GNAQ: variants seen among roughly 807,000 people sequenced by gnomAD.
The protein encoded by GNAQ is guanine nucleotide-binding protein G(q) subunit alpha.
In GNAQ, 8 loss-of-function variants were observed where a neutral mutation model predicts 43.9. The observed-to-expected ratio is 0.18, with a 90% confidence interval of 0.11 to 0.33. GNAQ has a LOEUF of 0.33. Among genes scored for constraint, GNAQ ranks in the 10% least tolerant of loss-of-function variants. The pLI is 1.00. For synonymous variants in GNAQ, 155 were observed against 170.7 expected, an observed-to-expected ratio of 0.91 and a Z score of 0.71; for missense variants, 158 against 450.8, an observed-to-expected ratio of 0.35 and a Z score of 5.88.
chr9:77,858,356 G>A (rs1296798067), intron 2 of GNAQ, among the ~76,000 whole-genome samples: 1 of 152,118 alleles, frequency 6.6e-6, no homozygotes, highest in Non-Finnish European at 1.5e-5. Flanking sequence ...AAATCCATAG[G>A]AATGAGTGAA....
chr9:77,768,061 T>C (rs1276485269), intron 5 of GNAQ, among the ~76,000 whole-genome samples: 2 of 152,202 alleles, frequency 1.3e-5, no homozygotes, highest in Non-Finnish European at 2.9e-5. Flanking sequence ...ATTTCACATA[T>C]ATTGTTACTG....
Position 77,922,338 on chromosome 9 carries a change from T to G in GNAQ, c.144A>C (p.Gly48=). ...RELKLLLLGT[G]ESGKSTFIKQ... is the part of the protein sequence containing the mutation. The stretch of plus-strand genomic sequence containing the variant: ...TGATAAACGTACTCTTGCCACTCTC[T>G]CCTGTCCCTGAAAGATGAACAATAG... Residue 48 remains glycine, a synonymous_variant, in exon 2 of 7, where the codon GGA becomes GGC. Transcript: ENST00000286548. 1 of 1,611,208 alleles carries G rather than the reference T, an allele frequency of 6.2e-7. No individual in the cohort carries two copies. The highest frequency in any genetic ancestry group is 1.7e-4 in the Middle Eastern group (1 of 6,050).
chr9:77,796,852 A>C (rs1826666905), intron 4 of GNAQ, among the ~76,000 whole-genome samples: 1 of 152,228 alleles, frequency 6.6e-6, no homozygotes, highest in African/African-American at 2.4e-5. Context: ...GATCATTCAT[A>C]GCTTACATAA....
chr9:77,959,624 G>T (rs1056130029), intron 1 of GNAQ, among the ~76,000 whole-genome samples: 3 of 152,108 alleles, frequency 2.0e-5, no homozygotes, highest in African/African-American at 7.2e-5. Flanking sequence ...TTATAGCACA[G>T]TATATTTTGT....
chr9:77,824,547 T>C (rs1827165295), intron 2 of GNAQ, among the ~76,000 whole-genome samples: 1 of 152,198 alleles, frequency 6.6e-6, no homozygotes, highest in Non-Finnish European at 1.5e-5. Context: ...TCTAAGAATA[T>C]TTCTGGTCCA....
intron 1 of GNAQ, among the ~76,000 whole-genome samples, chr9:78,012,167 G>C (rs916107444): frequency 6.6e-6 from 1 of 151,674 alleles, no homozygotes; most frequent in African/African-American, 2.4e-5. Flanking sequence ...AGGTAAAAAA[G>C]AGGTCTAATC....
Position 78,031,055 on chromosome 9 carries a change from G to A in GNAQ, c.136+45C>T, listed in dbSNP as rs1824051606. 5.9e-6 allele frequency: 8 copies of A among 1,359,486 alleles called. No homozygotes were observed. The East Asian group carries it at 2.4e-4, about 41-fold the overall frequency. The allele number at this position is 1,359,486 out of a possible 1,614,324, so 84.2% of individuals were successfully genotyped here. On this transcript the variant is annotated intron_variant, in intron 1 of 6. Coordinates refer to ENST00000286548, the MANE Select transcript of GNAQ (RefSeq NM_002072.5). ...GCTGCCCCGCAGGGCCAAGGATGGT[G>A]GGCTGGGGGCGCAGAGGCCCGGCGG...
intron 2 of GNAQ, among the ~76,000 whole-genome samples, chr9:77,821,724 G>GGGGGTGT (rs201504418): frequency 2.1e-5 from 3 of 142,308 alleles, no homozygotes; most frequent in Non-Finnish European, 4.6e-5. Flanking sequence ...TCCTAGTATG[G>GGGGGTGT]GTGTGTGTGT....
chr9:77,883,194 T>C (rs937651999), intron 2 of GNAQ, among the ~76,000 whole-genome samples: 3 of 152,156 alleles, frequency 2.0e-5, no homozygotes, highest in Admixed American at 2.0e-4. Context: ...ATCTCTCCAT[T>C]TCTCTCTATA....
At chr9:77,741,338 T>C (rs1413426713) in intron 5 of GNAQ, among the ~76,000 whole-genome samples, 2 of 148,478 alleles carry the variant, frequency 1.3e-5, no homozygotes, top group Non-Finnish European at 2.9e-5. Context: ...TTACTTATAA[T>C]TTATGTTTGT....
rs181838158 is a variant in GNAQ, at chr9:77,775,708, T to C, written c.735+18755A>G. Among the ~76,000 whole-genome samples the C allele has an allele frequency of 1.4e-3, 218 of 152,336 alleles. 3 individuals carry two copies. The highest frequency in any genetic ancestry group is 5.0e-3 in the African/African-American group (209 of 41,574). ...CCACCACGCCCAGCCTCCTCATCTCTCTTTTTATCTTTGCCATTCTAGCAA... is the reference window on the plus strand; with the variant it reads ...CCACCACGCCCAGCCTCCTCATCTCCCTTTTTATCTTTGCCATTCTAGCAA... On this transcript the variant is annotated intron_variant, in intron 5 of 6. Transcript: ENST00000286548.
intron 2 of GNAQ, among the ~76,000 whole-genome samples, chr9:77,881,690 T>A (rs904274578): frequency 6.6e-6 from 1 of 152,170 alleles, no homozygotes; most frequent in African/African-American, 2.4e-5. Flanking sequence ...GGCTGGTTGA[T>A]TATTTTTTAA....
At chr9:77,889,504 T>C (rs192320039) in intron 2 of GNAQ, among the ~76,000 whole-genome samples, 1 of 151,262 alleles carries the variant, frequency 6.6e-6, no homozygotes, top group African/African-American at 2.4e-5. Context: ...GATCTGTTTC[T>C]AGCATCTTGC....
intron 5 of GNAQ, among the ~76,000 whole-genome samples, chr9:77,762,896 G>A (rs1826073655): frequency 6.6e-6 from 1 of 151,996 alleles, no homozygotes; most frequent in Non-Finnish European, 1.5e-5. Context: ...GATGCTTGAA[G>A]GCAGCATGCT....
chr9:77,780,223 C>A (rs929640165), intron 5 of GNAQ, among the ~76,000 whole-genome samples: 3 of 151,810 alleles, frequency 2.0e-5, no homozygotes, highest in Non-Finnish European at 4.4e-5. Context: ...AGAACTTATT[C>A]CACCTATTTA....
chr9:77,833,139 G>C (rs1827328124), intron 2 of GNAQ, among the ~76,000 whole-genome samples: 1 of 151,874 alleles, frequency 6.6e-6, no homozygotes, highest in Admixed American at 6.6e-5. Context: ...GCTAATTTTT[G>C]TATTTTTTTG....
chr9:77,825,491 C>T (rs1001749139), intron 2 of GNAQ, among the ~76,000 whole-genome samples: 1 of 152,194 alleles, frequency 6.6e-6, no homozygotes, highest in African/African-American at 2.4e-5. Flanking sequence ...AGCAGCACCA[C>T]ATGCTTCTCC....
At chr9:77,991,768 C>T (rs1823510899) in intron 1 of GNAQ, among the ~76,000 whole-genome samples, 1 of 152,120 alleles carries the variant, frequency 6.6e-6, no homozygotes, top group East Asian at 1.9e-4. Context: ...AATTCTTATG[C>T]CTTTGTATCC....
chr9:77,972,978 C>A, intron 1 of GNAQ, among the ~76,000 whole-genome samples: 3 of 137,358 alleles, frequency 2.2e-5, no homozygotes, highest in Non-Finnish European at 1.6e-5. Context: ...AATTCCTTTA[C>A]TTAAGTAAAA....
Sources: allele counts gnomAD v4.1 joint callset (sites outside exome capture counted in the v4.1 genomes callset), GRCh38; gene constraint gnomAD v4.1.1; transcripts MANE v1.5; gene names NCBI Gene and HGNC (gene_info 2026-07-23, HGNC 2026-07-21).